The following PHF21B variants were observed in gnomAD, a reference collection of about 807,000 sequenced individuals.
The protein encoded by PHF21B is PHD finger protein 21B.
In PHF21B, 22 loss-of-function variants were observed where a neutral mutation model predicts 62.2. That is an observed-to-expected ratio of 0.35 (90% CI 0.25 to 0.51). The LOEUF (loss-of-function observed/expected upper bound fraction) is 0.51, where lower values mean the gene tolerates loss of function less well. Among genes scored for constraint, PHF21B ranks in the 20% least tolerant of loss-of-function variants. The pLI is 0.97. For synonymous variants in PHF21B, 341 were observed against 314.7 expected (o/e 1.08, Z -0.88); for missense variants, 701 against 707.9 (o/e 0.99, Z 0.11).
intron 2 of PHF21B, among the ~76,000 whole-genome samples, chr22:44,941,363 G>A (rs562484073): frequency 1.3e-5 from 2 of 152,338 alleles, no homozygotes; most frequent in South Asian, 2.1e-4. Context: ...TGTTTGCCCC[G>A]GAGTGGATCA....
intron 5 of PHF21B, among the ~76,000 whole-genome samples, chr22:44,913,073 C>T (rs981567371): frequency 3.9e-5 from 6 of 152,184 alleles, no homozygotes; most frequent in African/African-American, 1.2e-4. Flanking sequence ...GCTGTCCCCG[C>T]GCCACCATCA....
At chr22:44,929,698 C>T (rs989738378) in intron 2 of PHF21B, among the ~76,000 whole-genome samples, 2 of 152,220 alleles carry the variant, frequency 1.3e-5, no homozygotes, top group African/African-American at 2.4e-5. Flanking sequence ...AGGAGATGCC[C>T]GGCACAAAGG....
At chr22:44,917,290 C>T (rs1043339078) in intron 3 of PHF21B, among the ~76,000 whole-genome samples, 2 of 152,202 alleles carry the variant, frequency 1.3e-5, no homozygotes, top group Non-Finnish European at 2.9e-5. Flanking sequence ...GGTCCCTCAT[C>T]TGCATGAGGT....
At chr22:44,926,016 G>A (rs1041066674) in intron 2 of PHF21B, among the ~76,000 whole-genome samples, 3 of 152,274 alleles carry the variant, frequency 2.0e-5, no homozygotes, top group African/African-American at 4.8e-5. Flanking sequence ...CAGGCCGAGA[G>A]TAAGCAAGCC....
chr22:44,884,077 T>TCACCACCA (rs1319381060), intron 12 of PHF21B, among the ~76,000 whole-genome samples: 2 of 125,314 alleles, frequency 1.6e-5, no homozygotes, highest in African/African-American at 2.9e-5. Context: ...ATGATCACCA[T>TCACCACCA]TATCACCACC....
At chr22:44,965,047 T>TG (rs1000562501) in intron 2 of PHF21B, among the ~76,000 whole-genome samples, 5 of 152,062 alleles carry the variant, frequency 3.3e-5, no homozygotes, top group East Asian at 1.9e-4. Flanking sequence ...CCCTGTGATA[T>TG]GGGGGGGCTC....
rs78959925 is a variant in PHF21B at position 44,956,611 on chromosome 22, G to A, written c.121-36121C>T. Among the ~76,000 whole-genome samples the A allele has an allele frequency of 2.3e-3, 353 of 152,246 alleles. 12 individuals carry two copies. In the East Asian group the frequency reaches 0.062, roughly 27 times the overall value. ...TGCAGAGCTGCCGAGCTTCCTTCACGAGGCGGCTGCTGCCCAGGGAGACCT... is the reference window on the plus strand; with the variant it reads ...TGCAGAGCTGCCGAGCTTCCTTCACAAGGCGGCTGCTGCCCAGGGAGACCT... On this transcript the variant is annotated intron_variant, in intron 2 of 12. Coordinates refer to ENST00000313237, the MANE Select transcript of PHF21B (RefSeq NM_138415.5).
chr22:44,967,980 G>A (rs1398716918), intron 2 of PHF21B, among the ~76,000 whole-genome samples: 1 of 152,136 alleles, frequency 6.6e-6, no homozygotes, highest in Non-Finnish European at 1.5e-5. Flanking sequence ...AAGGTGTCTG[G>A]TACCATTTCC....
At chr22:44,945,787 G>A (rs58697790) in intron 2 of PHF21B, among the ~76,000 whole-genome samples, 2,667 of 152,060 alleles carry the variant, frequency 0.018, 86 homozygotes, top group African/African-American at 0.06. Flanking sequence ...AGCACGAGGG[G>A]TCAGCCTGAA....
chr22:44,962,169 G>A (rs2147420999), intron 2 of PHF21B, among the ~76,000 whole-genome samples: 1 of 152,250 alleles, frequency 6.6e-6, no homozygotes, highest in Admixed American at 6.5e-5. Context: ...TCTGTTTTAA[G>A]TTCTTTGAGA....
chr22:45,004,792 C>G (rs1010022340), intron 2 of PHF21B, among the ~76,000 whole-genome samples: 2 of 152,212 alleles, frequency 1.3e-5, no homozygotes, highest in African/African-American at 4.8e-5. Context: ...CAGCGCTGGG[C>G]GCGCACACAA....
chr22:44,883,419 G>A (rs1394114539), intron 12 of PHF21B, 115 bp from the exon 13 acceptor site: 4 of 961,164 alleles, frequency 4.2e-6, no homozygotes, highest in Non-Finnish European at 6.1e-6. Flanking sequence ...AAGAAACCAG[G>A]CTGAGGGCTT....
At chr22:44,885,991 G>T in intron 10 of PHF21B, 53 bp from the exon 11 acceptor site, 1 of 1,550,654 alleles carries the variant, frequency 6.4e-7, no homozygotes, top group South Asian at 1.1e-5. Flanking sequence ...GACCTGCTGG[G>T]ACTGTCCACA....
chr22:44,910,597 CTCTT>C (rs1052884688), intron 5 of PHF21B, among the ~76,000 whole-genome samples: 4 of 152,214 alleles, frequency 2.6e-5, no homozygotes, highest in African/African-American at 7.2e-5. Context: ...CACAAGCTCT[CTCTT>C]TGCTTGCTGC....
In PHF21B at chr22:44,909,705, G is replaced by A. The variant is rs139030928; in HGVS notation, c.831+4117C>T. Among the ~76,000 whole-genome samples, 36 of 152,352 alleles carry A rather than the reference G, an allele frequency of 2.4e-4. No homozygotes were observed. In the East Asian group the frequency reaches 6.4e-3, roughly 27 times the overall value. On this transcript the variant is annotated intron_variant, in intron 5 of 12. Transcript: ENST00000313237. ...AAGCCCAGCTGACTGCTCTGGGTGT[G>A]TGGAATCCTTTCCCACTCGTGTGCT...
chr22:44,987,877 G>A (rs1030230320), intron 2 of PHF21B, among the ~76,000 whole-genome samples: 14 of 152,042 alleles, frequency 9.2e-5, no homozygotes, highest in South Asian at 2.1e-4. Context: ...CCCCCAGCAG[G>A]TGGGTAGATG....
At chr22:44,978,529 T>C (rs1478955857) in intron 2 of PHF21B, among the ~76,000 whole-genome samples, 1 of 152,174 alleles carries the variant, frequency 6.6e-6, no homozygotes, top group Non-Finnish European at 1.5e-5. Context: ...CTGGCTAATT[T>C]TTGTATTTTC....
chr22:44,948,346 A>C (rs1354714169), intron 2 of PHF21B, among the ~76,000 whole-genome samples: 4 of 152,116 alleles, frequency 2.6e-5, no homozygotes, highest in African/African-American at 9.7e-5. Flanking sequence ...GCTTATGTCC[A>C]GTCTACTCCA....
chr22:44,923,750 C>A (rs558409616), intron 2 of PHF21B, among the ~76,000 whole-genome samples: 31 of 152,196 alleles, frequency 2.0e-4, no homozygotes, highest in African/African-American at 7.2e-4. Flanking sequence ...AGGCACAGTG[C>A]CTCATGCTTG....
Sources: gnomAD v4.1 joint callset for allele counts (sites outside exome capture counted in the v4.1 genomes callset) on GRCh38, gnomAD v4.1.1 for gene constraint, MANE v1.5 for transcripts, NCBI Gene and HGNC (gene_info 2026-07-23, HGNC 2026-07-21) for gene names.